The following LRRC4C variants were observed in gnomAD, a reference collection of about 807,000 sequenced individuals.
The protein encoded by LRRC4C is leucine rich repeat containing 4C, also known as leucine-rich repeat-containing protein 4C.
In LRRC4C, 5 loss-of-function variants were observed where a neutral mutation model predicts 33.6. The ratio of observed to expected loss-of-function variants is 0.15; its 90% CI spans 0.08 to 0.31. LRRC4C has a LOEUF of 0.31. LRRC4C is among the 10% of genes least tolerant of loss of function. The probability of loss-of-function intolerance (pLI) is 1.00; values close to 1 mark genes in which losing one functional copy is unlikely to be tolerated. For synonymous variants in LRRC4C, 329 were observed against 302.0 expected (o/e 1.09, Z -0.93); for missense variants, 560 against 796.7 (o/e 0.70, Z 3.58).
intron 1 of LRRC4C, among the ~76,000 whole-genome samples, chr11:41,240,698 C>A (rs933326341): frequency 9.2e-5 from 14 of 152,084 alleles, no homozygotes; most frequent in African/African-American, 3.4e-4. Flanking sequence ...GACTTTCTTG[C>A]TGATAAATTG....
At chr11:40,504,350 G>T (rs1954928313) in intron 3 of LRRC4C, among the ~76,000 whole-genome samples, 1 of 152,044 alleles carries the variant, frequency 6.6e-6, no homozygotes, top group Admixed American at 6.6e-5. Flanking sequence ...GTATACTATG[G>T]GGAGTAAGAG....
intron 3 of LRRC4C, among the ~76,000 whole-genome samples, chr11:40,513,501 A>G (rs1336677881): frequency 2.6e-5 from 4 of 152,252 alleles, no homozygotes; most frequent in South Asian, 2.1e-4. Flanking sequence ...AGTGCAGCTG[A>G]TAAGTACACA....
Position 40,298,122 on chromosome 11 carries a change from T to C in LRRC4C, c.-176+21506A>G, listed in dbSNP as rs78632584. ...CTCTTACCGACTATTCTTTTCACTGTGGTGCACAAAATTGTAAAAAGATGA... is the reference window on the plus strand; with the variant it reads ...CTCTTACCGACTATTCTTTTCACTGCGGTGCACAAAATTGTAAAAAGATGA... On this transcript the variant is annotated intron_variant, in intron 4 of 6. Coordinates refer to ENST00000528697, the MANE Select transcript of LRRC4C (RefSeq NM_001258419.2). 1.2e-3 allele frequency among the ~76,000 whole-genome samples: 181 copies of C among 152,264 alleles called. 4 individuals are homozygous for C. In the East Asian group the frequency reaches 0.034, roughly 28 times the overall value.
chr11:40,317,490 G>T (rs891554271), intron 4 of LRRC4C, among the ~76,000 whole-genome samples: 2 of 152,052 alleles, frequency 1.3e-5, no homozygotes, highest in Non-Finnish European at 2.9e-5. Flanking sequence ...TATCTGTCCT[G>T]TTCTTCACCA....
At chr11:40,986,216 C>T (rs1039516229) in intron 1 of LRRC4C, among the ~76,000 whole-genome samples, 3 of 152,088 alleles carry the variant, frequency 2.0e-5, no homozygotes, top group Admixed American at 6.5e-5. Flanking sequence ...GTGAGTCCCA[C>T]TGTGATTGGT....
intron 1 of LRRC4C, among the ~76,000 whole-genome samples, chr11:41,046,657 T>C (rs1221182668): frequency 6.6e-6 from 1 of 152,154 alleles, no homozygotes; most frequent in East Asian, 1.9e-4. Flanking sequence ...TTGACCATTG[T>C]GAATTAATAA....
Position 40,877,454 on chromosome 11 carries a change from C to T in LRRC4C, c.-407+56181G>A, listed in dbSNP as rs1019842382. Among the ~76,000 whole-genome samples, 7 of 152,160 alleles carry T rather than the reference C, an allele frequency of 4.6e-5. No homozygotes were observed. The South Asian group carries it at 6.2e-4, about 14-fold the overall frequency. ...GTCAACATCAGCAGACTCATCAACC[C>T]GGATTGCATACCACAGTGACTCATT... On this transcript the variant is annotated intron_variant, in intron 2 of 6. Coordinates refer to ENST00000528697, the MANE Select transcript of LRRC4C (RefSeq NM_001258419.2).
At chr11:41,165,777 C>T (rs1254620969) in intron 1 of LRRC4C, among the ~76,000 whole-genome samples, 1 of 152,060 alleles carries the variant, frequency 6.6e-6, no homozygotes, top group Non-Finnish European at 1.5e-5. Context: ...GACCTGTAAT[C>T]CCAGCACTTT....
At chr11:40,842,246 T>G (rs1417349797) in intron 2 of LRRC4C, among the ~76,000 whole-genome samples, 2 of 152,138 alleles carry the variant, frequency 1.3e-5, no homozygotes, top group Non-Finnish European at 2.9e-5. Context: ...CTATTCCAAT[T>G]AGCTCAGCCC....
At chr11:40,556,917 C>T (rs1957355044) in intron 3 of LRRC4C, among the ~76,000 whole-genome samples, 1 of 151,778 alleles carries the variant, frequency 6.6e-6, no homozygotes, top group Admixed American at 6.6e-5. Context: ...AGTTTGAAGC[C>T]CATTTCTGCC....
intron 2 of LRRC4C, among the ~76,000 whole-genome samples, chr11:40,926,487 C>T (rs1206412791): frequency 6.6e-6 from 1 of 152,168 alleles, no homozygotes; most frequent in East Asian, 1.9e-4. Flanking sequence ...TACTGAAGCA[C>T]TCTCTTACAA....
intron 1 of LRRC4C, among the ~76,000 whole-genome samples, chr11:41,150,753 C>T (rs1943954242): frequency 6.6e-6 from 1 of 151,006 alleles, no homozygotes; most frequent in African/African-American, 2.4e-5. Flanking sequence ...CATGCCACTG[C>T]ACAACAGACT....
chr11:40,984,381 AAGAAAGAAAG>A (rs1448400547), intron 1 of LRRC4C, among the ~76,000 whole-genome samples: 14 of 84,982 alleles, frequency 1.6e-4, no homozygotes, highest in African/African-American at 5.7e-4. Context: ...GAAAGAAAGA[AAGAAAGAAAG>A]AAAGAAAGAA....
At chr11:40,244,161 G>C (rs2136119255) in intron 4 of LRRC4C, among the ~76,000 whole-genome samples, 1 of 152,204 alleles carries the variant, frequency 6.6e-6, no homozygotes, top group African/African-American at 2.4e-5. Flanking sequence ...GAGCTAGGAT[G>C]ACATTTAAGT....
chr11:40,851,534 T>C (rs1953497465), intron 2 of LRRC4C, among the ~76,000 whole-genome samples: 1 of 152,160 alleles, frequency 6.6e-6, no homozygotes. Context: ...TCACCTGCCT[T>C]CTCTGTTGGT....
intron 1 of LRRC4C, among the ~76,000 whole-genome samples, chr11:41,271,266 C>T (rs1043488940): frequency 2.0e-5 from 3 of 152,000 alleles, no homozygotes; most frequent in African/African-American, 7.2e-5. Flanking sequence ...ATCCTATCAC[C>T]CTCGTACTCA....
intron 5 of LRRC4C, among the ~76,000 whole-genome samples, chr11:40,149,574 G>T (rs2135090883): frequency 6.6e-6 from 1 of 152,254 alleles, no homozygotes; most frequent in African/African-American, 2.4e-5. Context: ...ATTAACTTAA[G>T]GAGCTTTGGG....
At chr11:41,307,483 G>A (rs1950537409) in intron 1 of LRRC4C, among the ~76,000 whole-genome samples, 1 of 152,174 alleles carries the variant, frequency 6.6e-6, no homozygotes, top group Admixed American at 6.5e-5. Flanking sequence ...GAGATTTTCT[G>A]TCAAGACTTC....
chr11:40,472,592 A>G (rs962964564), intron 3 of LRRC4C, among the ~76,000 whole-genome samples: 32 of 151,680 alleles, frequency 2.1e-4, no homozygotes, highest in African/African-American at 7.0e-4. Flanking sequence ...CTAGCAGAAG[A>G]CAAGAAATAA....
Sources: gnomAD v4.1 joint callset for allele counts (sites outside exome capture counted in the v4.1 genomes callset) on GRCh38, gnomAD v4.1.1 for gene constraint, MANE v1.5 for transcripts, NCBI Gene and HGNC (gene_info 2026-07-23, HGNC 2026-07-21) for gene names.